TMEM232: variants seen among roughly 807,000 people sequenced by gnomAD.
TMEM232 encodes the protein transmembrane protein 232.
A neutral mutation model predicts 78.8 loss-of-function variants in TMEM232; 80 were observed. The observed-to-expected ratio is 1.01, with a 90% CI of 0.85 to 1.22. The LOEUF (loss-of-function observed/expected upper bound fraction) is 1.22. TMEM232 is among the 50% of genes most tolerant of loss of function. The pLI is 0.00. For synonymous variants in TMEM232, 297 were observed against 254.3 expected, an observed-to-expected ratio of 1.17 and a Z score of -1.60; for missense variants, 881 against 742.2, an observed-to-expected ratio of 1.19 and a Z score of -2.17.
In TMEM232 at chr5:110,598,276, G is replaced by A. The variant is rs571284181; in HGVS notation, c.1276+6833C>T. On this transcript the variant is annotated intron_variant, in intron 10 of 13. Coordinates refer to ENST00000455884, the MANE Select transcript of TMEM232 (RefSeq NM_001039763.4). ...ATGAAAAAAATGCTCATCATCACTG[G>A]CCATCAGAGAAATGCAAATCAAAAC... Among the ~76,000 whole-genome samples the A allele has an allele frequency of 9.7e-3, 1,476 of 152,164 alleles. 32 individuals carry two copies. The highest frequency in any genetic ancestry group is 0.033 in the African/African-American group (1,378 of 41,492).
chr5:110,549,959 C>G (rs79442667), intron 11 of TMEM232, among the ~76,000 whole-genome samples: 6,054 of 152,094 alleles, frequency 0.04, 334 homozygotes, highest in East Asian at 0.26. Flanking sequence ...AATATAATTT[C>G]CCAATTCACT....
chr5:110,430,039 G>A (rs554815957), intron 12 of TMEM232: 1 of 151,618 alleles, frequency 6.6e-6, no homozygotes, highest in East Asian at 1.9e-4. Flanking sequence ...TTTTAGAAGA[G>A]AATGATAGTA....
At position 110,500,980 on chromosome 5, in the gene TMEM232, C is replaced by A. The variant is rs115859251; in HGVS notation, c.1703+27608G>T. The stretch of plus-strand genomic sequence containing the variant: ...TATGAACTGGTCAAAATGCAAGATA[C>A]AAAATGATGTGGTTTGTTTGCAAAA... On this transcript the variant is annotated intron_variant, in intron 12 of 13. Transcript: ENST00000455884. Among the ~76,000 whole-genome samples, 602 of 152,268 alleles carry A rather than the reference C, an allele frequency of 4.0e-3. 5 individuals carry two copies. Among genetic ancestry groups the A allele is most frequent in the African/African-American group, 0.013 (558 of 41,590 alleles).
At chr5:110,436,957 C>G (rs1232895660) in intron 12 of TMEM232, among the ~76,000 whole-genome samples, 2 of 151,818 alleles carry the variant, frequency 1.3e-5, no homozygotes, top group African/African-American at 4.8e-5. Flanking sequence ...TCTATATAAA[C>G]TTTAGAATTT....
intron 10 of TMEM232, among the ~76,000 whole-genome samples, chr5:110,574,561 C>T (rs1377477343): frequency 6.6e-6 from 1 of 152,036 alleles, no homozygotes; most frequent in African/African-American, 2.4e-5. Flanking sequence ...CACACTCTAT[C>T]AGTTTGAACA....
At chr5:110,418,271 C>G (rs1009003134), downstream of TMEM232, 1 of 152,040 alleles carries the variant, frequency 6.6e-6, no homozygotes, top group Non-Finnish European at 1.5e-5. Context: ...TGATATCACT[C>G]TTTACATAAA....
At chr5:110,660,553 C>A (rs1158946028) in intron 2 of TMEM232, among the ~76,000 whole-genome samples, 3 of 151,978 alleles carry the variant, frequency 2.0e-5, no homozygotes, top group African/African-American at 7.2e-5. Context: ...ACACTGATTA[C>A]TTAAAATGGT....
intron 1 of TMEM232, among the ~76,000 whole-genome samples, chr5:110,692,481 G>A (rs1794248361): frequency 6.6e-6 from 1 of 152,218 alleles, no homozygotes; most frequent in South Asian, 2.1e-4. Context: ...CACACCGTGT[G>A]TGAGCTGAAG....
At chr5:110,506,546 A>C (rs1205408676) in intron 12 of TMEM232, among the ~76,000 whole-genome samples, 1 of 152,154 alleles carries the variant, frequency 6.6e-6, no homozygotes, top group Non-Finnish European at 1.5e-5. Context: ...TCCTAAAGGA[A>C]GTTTCAGGGG....
At chr5:110,486,093 T>C (rs1764433633) in intron 12 of TMEM232, among the ~76,000 whole-genome samples, 1 of 152,144 alleles carries the variant, frequency 6.6e-6, no homozygotes, top group South Asian at 2.1e-4. Context: ...ATTTTTTTCA[T>C]ACATTTGTTG....
At chr5:110,647,521 T>G (rs959023148) in intron 2 of TMEM232, among the ~76,000 whole-genome samples, 2 of 151,872 alleles carry the variant, frequency 1.3e-5, no homozygotes, top group Non-Finnish European at 2.9e-5. Flanking sequence ...AAATATGAAG[T>G]TTTTTGTCGT....
At chr5:110,720,023 C>T (rs908305457) in intron 1 of TMEM232, among the ~76,000 whole-genome samples, 1 of 152,148 alleles carries the variant, frequency 6.6e-6, no homozygotes, top group South Asian at 2.1e-4. Flanking sequence ...TGAAGTTCAG[C>T]TTGTTGCTCT....
intron 10 of TMEM232, among the ~76,000 whole-genome samples, chr5:110,584,087 T>A (rs1054542458): frequency 1.1e-4 from 16 of 151,686 alleles, no homozygotes; most frequent in African/African-American, 3.9e-4. Flanking sequence ...GAAAACAGCA[T>A]ACAATTTCCT....
At chr5:110,644,110 A>G (rs2150029037) in intron 2 of TMEM232, among the ~76,000 whole-genome samples, 1 of 152,082 alleles carries the variant, frequency 6.6e-6, no homozygotes. Flanking sequence ...GTGTTACAAC[A>G]TACAAAGTCT....
intron 11 of TMEM232, among the ~76,000 whole-genome samples, chr5:110,547,480 T>C (rs1773921472): frequency 6.6e-6 from 1 of 152,156 alleles, no homozygotes; most frequent in Admixed American, 6.5e-5. Context: ...AGTTTAGACA[T>C]TAGTACTCCT....
chr5:110,639,948 T>A (rs905827824), intron 4 of TMEM232, among the ~76,000 whole-genome samples: 2 of 152,204 alleles, frequency 1.3e-5, no homozygotes, highest in African/African-American at 4.8e-5. Context: ...GCCCAATTCC[T>A]AACAGACCAC....
intron 5 of TMEM232, among the ~76,000 whole-genome samples, chr5:110,630,495 G>A (rs1386018025): frequency 1.3e-5 from 2 of 152,202 alleles, no homozygotes; most frequent in East Asian, 3.9e-4. Context: ...GATCACGGAG[G>A]TGGACTTCTC....
chr5:110,473,890 C>CAAAAAA (rs61351197), intron 12 of TMEM232, among the ~76,000 whole-genome samples: 1 of 14,228 alleles, frequency 7.0e-5, no homozygotes, highest in African/African-American at 2.4e-4. Flanking sequence ...AGCCAGACAC[C>CAAAAAA]AAAAAAAAAA....
chr5:110,489,505 T>C (rs1764808529), intron 12 of TMEM232, among the ~76,000 whole-genome samples: 1 of 152,082 alleles, frequency 6.6e-6, no homozygotes, highest in Non-Finnish European at 1.5e-5. Context: ...AAGGCACGTC[T>C]TCAACCTGAT....
Sources: gnomAD v4.1 joint callset for allele counts (sites outside exome capture counted in the v4.1 genomes callset) on GRCh38, gnomAD v4.1.1 for gene constraint, MANE v1.5 for transcripts, NCBI Gene and HGNC (gene_info 2026-07-23, HGNC 2026-07-21) for gene names.